Variants in UTP20 observed in about 807,000 individuals in gnomAD.
The protein encoded by UTP20 is UTP20 small subunit processome component, also known as small subunit processome component 20 homolog.
UTP20 carries 164 observed loss-of-function variants against 329.5 expected under a neutral mutation model. The observed-to-expected ratio is 0.50, with a 90% CI of 0.44 to 0.57. The LOEUF is 0.57. Ranked by LOEUF, UTP20 falls within the 20% of genes least tolerant of loss-of-function variation. The pLI is 0.00. For synonymous variants in UTP20, 1,151 were observed against 1,159.3 expected (o/e 0.99, Z 0.14); for missense variants, 3,055 against 3,284.2 (o/e 0.93, Z 1.71).
chr12:101,361,670 AAT>A (rs149430081), intron 43 of UTP20, among the ~76,000 whole-genome samples: 26,538 of 106,520 alleles, frequency 0.25, 2,956 homozygotes, highest in East Asian at 0.43. Context: ...TAAATAAATA[AAT>A]AAATAAAGTT....
chr12:101,350,578 T>A (rs1445705016), intron 38 of UTP20, among the ~76,000 whole-genome samples: 1 of 152,138 alleles, frequency 6.6e-6, no homozygotes, highest in Non-Finnish European at 1.5e-5. Flanking sequence ...TTATGAATAG[T>A]CTAATTCTTT....
At chr12:101,370,957 G>A in intron 50 of UTP20, 101 bp from the exon 51 acceptor site, 2 of 949,622 alleles carry the variant, frequency 2.1e-6, no homozygotes. Flanking sequence ...ATACTTTCTT[G>A]TGTTTGAAAA....
intron 52 of UTP20, among the ~76,000 whole-genome samples, chr12:101,373,176 G>A (rs1870348314): frequency 1.3e-5 from 2 of 152,104 alleles, no homozygotes; most frequent in Admixed American, 1.3e-4. Context: ...ACCGTTGATT[G>A]TCATAAGAGT....
rs35767250 is a variant in UTP20 at position 101,307,294 on chromosome 12, TACACACACACACAC to T, written c.1995+551_1995+564del. 1.3e-3 allele frequency among the ~76,000 whole-genome samples: 192 copies of T among 146,976 alleles called. 1 individual carries two copies. Among genetic ancestry groups the T allele is most frequent in the Non-Finnish European group, 1.9e-3 (125 of 66,590 alleles). On this transcript the variant is annotated intron_variant, in intron 17 of 61. Transcript: ENST00000261637. Reference sequence around the variant, plus strand: ...CAAATATTCTTTCAAACTTTTTGAATACACACACACACACACACACACACACACACATAATTTAA... The same window carrying T: ...CAAATATTCTTTCAAACTTTTTGAATACACACACACACACACATAATTTAA...
At chr12:101,311,876 C>T (rs1015861992) in intron 20 of UTP20, 78 bp downstream of exon 20, 9 of 1,556,498 alleles carry the variant, frequency 5.8e-6, no homozygotes, top group South Asian at 2.4e-5. Context: ...TAATTACTCA[C>T]GAAATTGGAA....
At chr12:101,289,105 G>GA in intron 6 of UTP20, 64 bp downstream of exon 6, 2 of 1,431,266 alleles carry the variant, frequency 1.4e-6, no homozygotes, top group Non-Finnish European at 1.9e-6. Context: ...GGCCAGGCGT[G>GA]GTGGCTCATG....
At position 101,336,790 on chromosome 12, in the gene UTP20, T is replaced by C. The variant is rs149107643; in HGVS notation, c.3642-1261T>C. Among the ~76,000 whole-genome samples, 421 of 152,336 alleles carry C rather than the reference T, an allele frequency of 2.8e-3. 2 individuals carry two copies. The highest frequency in any genetic ancestry group is 9.5e-3 in the African/African-American group (394 of 41,580). ...CCATCCATGTGTAGCTGATGATCAT[T>C]GCATGTTGTCTGAGTGATTGGAATT... On this transcript the variant is annotated intron_variant, in intron 29 of 61. Transcript: ENST00000261637.
chr12:101,381,359 C>T, intron 58 of UTP20, 148 bp downstream of exon 58: 1 of 646,656 alleles, frequency 1.5e-6, no homozygotes, highest in Non-Finnish European at 2.7e-6. Flanking sequence ...ATGGCGAAAC[C>T]CCATCTCTAC....
chr12:101,317,785 C>T, intron 22 of UTP20, 122 bp downstream of exon 22: 1 of 1,118,902 alleles, frequency 8.9e-7, no homozygotes, highest in African/African-American at 1.6e-5. Flanking sequence ...GCTACATCTT[C>T]CTGGGATTTT....
chr12:101,280,129 C>A lies in UTP20; in HGVS notation c.-154C>A. On this transcript the variant is annotated 5_prime_UTR_variant, in exon 1 of 62. Coordinates refer to ENST00000261637, the MANE Select transcript of UTP20 (RefSeq NM_014503.3). ...CACTCAGGCTCCTCCTTGTCTCCAA[C>A]ATGGCGGCGCCCAGGGGCTCAAGCC... 1.0e-6 allele frequency: 1 copy of A among 961,850 alleles called. No individual in the cohort carries two copies. Among genetic ancestry groups the A allele is most frequent in the Non-Finnish European group, 1.5e-6 (1 of 655,176 alleles). 59.6% of individuals were successfully genotyped at this position (961,850 alleles called of 1,614,324 possible).
intron 25 of UTP20, chr12:101,326,880 C>T: frequency 2.0e-6 from 1 of 489,030 alleles, no homozygotes; most frequent in Non-Finnish European, 3.5e-6. Flanking sequence ...CGTAGCACTG[C>T]ACCCAGCTCT....
intron 56 of UTP20, among the ~76,000 whole-genome samples, chr12:101,378,719 CA>C (rs1341843696): frequency 1.3e-4 from 18 of 137,950 alleles, no homozygotes; most frequent in East Asian, 2.1e-4. Context: ...AACCCTGTCG[CA>C]AAAAAAAAAG....
Position 101,366,474 on chromosome 12 carries a change from C to T in UTP20, c.6126-84C>T, listed in dbSNP as rs955597388. On this transcript the variant is annotated intron_variant, in intron 46 of 61. Transcript: ENST00000261637. Reference sequence around the variant, plus strand: ...GGCACATTATTTAGTGCTGGGCTCTCGTCACTTTAGAAGGGCCACTCTAAC... The same window carrying T: ...GGCACATTATTTAGTGCTGGGCTCTTGTCACTTTAGAAGGGCCACTCTAAC... 95 of 1,506,044 alleles carry T rather than the reference C, an allele frequency of 6.3e-5. No homozygotes were observed. The South Asian group carries it at 7.4e-4, about 12-fold the overall frequency. 93.3% of individuals were successfully genotyped at this position (1,506,044 alleles called of 1,614,324 possible).
chr12:101,359,418 G>A (rs1023725155), intron 43 of UTP20, among the ~76,000 whole-genome samples: 1 of 151,540 alleles, frequency 6.6e-6, no homozygotes, highest in African/African-American at 2.4e-5. Flanking sequence ...CCTCTCCTGG[G>A]ACTCCAGTGA....
intron 5 of UTP20, 78 bp from the exon 6 acceptor site, chr12:101,288,882 C>T: frequency 1.6e-6 from 2 of 1,276,318 alleles, no homozygotes; most frequent in Non-Finnish European, 2.2e-6. Flanking sequence ...CACATTGTTG[C>T]CCATATTGTT....
chr12:101,300,611 A>C (rs898102932), intron 14 of UTP20, among the ~76,000 whole-genome samples: 6 of 152,074 alleles, frequency 3.9e-5, no homozygotes, highest in Non-Finnish European at 2.9e-5. Flanking sequence ...CCAAAACACC[A>C]TTTCCTATTA....
intron 20 of UTP20, 89 bp from the exon 21 acceptor site, chr12:101,311,947 T>G: frequency 6.3e-7 from 1 of 1,585,586 alleles, no homozygotes; most frequent in Non-Finnish European, 8.6e-7. Flanking sequence ...TTCCTTACAT[T>G]ATAGAGAAAG....
rs1555199150 is a variant in UTP20 at position 101,311,655 on chromosome 12, T to TTC, written c.2232-64_2232-63insTC. On this transcript the variant is annotated intron_variant, in intron 19 of 61. Coordinates refer to ENST00000261637, the MANE Select transcript of UTP20 (RefSeq NM_014503.3). ...ATATCCTTTCACTCTTTTTTTTTTT[T>TTC]CTATGAGCAATCTTAAAATGGCCAT... 12,242 of 1,290,384 alleles carry TTC rather than the reference T, an allele frequency of 9.5e-3. 18 individuals carry two copies. The highest frequency in any genetic ancestry group is 0.031 in the East Asian group (1,094 of 35,254). 79.9% of individuals were successfully genotyped at this position (1,290,384 alleles called of 1,614,324 possible).
chr12:101,340,665 GT>G, intron 32 of UTP20, 55 bp downstream of exon 32: 1 of 1,145,470 alleles, frequency 8.7e-7, no homozygotes, highest in Non-Finnish European at 1.3e-6. Flanking sequence ...TTATCACTAG[GT>G]TTAATTGCGA....
Sources: allele counts gnomAD v4.1 joint callset (sites outside exome capture counted in the v4.1 genomes callset), GRCh38; gene constraint gnomAD v4.1.1; transcripts MANE v1.5; gene names NCBI Gene and HGNC (gene_info 2026-07-23, HGNC 2026-07-21).